Variants in BTN3A3 observed in about 807,000 individuals in gnomAD.
BTN3A3 encodes the protein butyrophilin subfamily 3 member A3.
A neutral mutation model predicts 43.2 loss-of-function variants in BTN3A3; 39 were observed. That is an observed-to-expected ratio of 0.90 (90% CI 0.70 to 1.18). The LOEUF (loss-of-function observed/expected upper bound fraction) is 1.18, where lower values mean the gene tolerates loss of function less well. Ranked by LOEUF, BTN3A3 falls within the 50% of genes most tolerant of loss-of-function variation. The pLI is 0.00. For synonymous variants in BTN3A3, 255 were observed against 272.7 expected (o/e 0.93, Z 0.64); for missense variants, 631 against 722.8 (o/e 0.87, Z 1.46).
At position 26,452,666 on chromosome 6, in the gene BTN3A3, A is replaced by G; in HGVS notation, c.*255A>G. On this transcript the variant is annotated 3_prime_UTR_variant, in exon 11 of 11. Transcript: ENST00000244519. ...CCTCACAACACCCTGTCGGGTAGTC[A>G]TATTTTGCAAGTATGGAAGCTGAGG... 1 of 419,814 alleles carries G rather than the reference A, an allele frequency of 2.4e-6. No homozygotes were observed. Among genetic ancestry groups the G allele is most frequent in the South Asian group, 4.4e-5 (1 of 22,916 alleles). The allele number at this position is 419,814 out of a possible 1,614,324, so 26.0% of individuals were successfully genotyped here. A position where few individuals can be genotyped will look rare whatever the true frequency, so the allele number is the denominator to read the frequency against.
rs753507119 is a variant in BTN3A3 at position 26,450,063 on chromosome 6, C to A, written c.992-44C>A. 3.1e-6 allele frequency: 5 copies of A among 1,603,608 alleles called. No individual in the cohort carries two copies. In the South Asian group the frequency reaches 5.5e-5, roughly 18 times the overall value. On this transcript the variant is annotated intron_variant, in intron 9 of 10. Transcript: ENST00000244519. ...AAGGAGAATGGAGTGGAGAAAAGAA[C>A]AAAAATACTGACCTTTTTCTTATCT...
chr6:26,441,555 AC>A (rs1762637287), intron 1 of BTN3A3, among the ~76,000 whole-genome samples: 2 of 151,588 alleles, frequency 1.3e-5, no homozygotes, highest in Non-Finnish European at 2.9e-5. Context: ...AAAGCATACA[AC>A]TTTTTTTTTT....
intron 1 of BTN3A3, among the ~76,000 whole-genome samples, chr6:26,441,102 TTATAA>T (rs938852161): frequency 6.6e-6 from 1 of 152,172 alleles, no homozygotes; most frequent in South Asian, 2.1e-4. Context: ...ACAGAAATAC[TTATAA>T]TATAGAAAAA....
rs557787431 is a variant in BTN3A3, at chr6:26,446,795, C to T, written c.715+810C>T. ...CCAGGATGGAGTGCAATGGCGCAAT[C>T]TCGGCTCACTGCAACCTCCTCCTCC... On this transcript the variant is annotated intron_variant, in intron 5 of 10. Transcript: ENST00000244519. Among the ~76,000 whole-genome samples, 179 of 152,270 alleles carry T rather than the reference C, an allele frequency of 1.2e-3. 1 individual carries two copies. Among genetic ancestry groups the T allele is most frequent in the Admixed American group, 2.3e-3 (35 of 15,306 alleles).
At chr6:26,449,143 G>A (rs1762861982) in intron 8 of BTN3A3, 1 of 234,698 alleles carries the variant, frequency 4.3e-6, no homozygotes, top group African/African-American at 2.3e-5. Flanking sequence ...AAACAAGAAT[G>A]GAAGATTTAA....
At chr6:26,448,835 G>T in intron 8 of BTN3A3, 81 bp downstream of exon 8, 1 of 1,565,454 alleles carries the variant, frequency 6.4e-7, no homozygotes, top group Non-Finnish European at 8.8e-7. Context: ...CAGCCCATAA[G>T]TCTTTGCCCA....
chr6:26,449,480 C>A, intron 8 of BTN3A3, 182 bp from the exon 9 acceptor site: 1 of 660,116 alleles, frequency 1.5e-6, no homozygotes. Flanking sequence ...AGCATTCAAC[C>A]AATGTTCCCA....
rs759540373 is a variant in BTN3A3 at position 26,451,700 on chromosome 6, G to A, written c.1044G>A (p.Thr348=). The change falls in exon 11 of 11, where the codon ACG becomes ACA. Residue 348 remains threonine, a synonymous_variant. Transcript: ENST00000244519. ...KPADVILDPD[T]ANAILLVSED... ...CGGATGTGATTCTGGATCCAGACAC[G>A]GCAAACGCCATCCTCCTTGTTTCTG... The A allele has an allele frequency of 2.9e-5, 47 of 1,613,278 alleles. No individual in the cohort carries two copies. The East Asian group carries it at 4.9e-4, about 17-fold the overall frequency.
rs373687558 is a variant in BTN3A3, at chr6:26,443,691, G to C, written c.85+32G>C. ...AATGATTCCATGATTCCACATTTATGTTTCTGAAGCAGACAATTATCTCAA... is the reference window on the plus strand; with the variant it reads ...AATGATTCCATGATTCCACATTTATCTTTCTGAAGCAGACAATTATCTCAA... On this transcript the variant is annotated intron_variant, in intron 3 of 10. Transcript: ENST00000244519. The C allele has an allele frequency of 8.7e-4, 1,400 of 1,608,480 alleles. 5 individuals are homozygous for C. The highest frequency in any genetic ancestry group is 4.9e-3 in the African/African-American group (368 of 74,874).
chr6:26,452,951 A>G lies in BTN3A3; in HGVS notation c.*540A>G, dbSNP rs9393721. The G allele has an allele frequency of 0.033, 5,221 of 156,736 alleles. 127 individuals carry two copies. The highest frequency in any genetic ancestry group is 0.093 in the East Asian group (489 of 5,266). The allele number at this position is 156,736 out of a possible 1,614,324, so 9.7% of individuals were successfully genotyped here. ...ACTTAGACCCAGCACTCCTTGGATT[A>G]GCTCTGCAGAGTGTCTTGGTTGAGA... is the stretch of plus-strand genomic sequence containing the variant. On this transcript the variant is annotated 3_prime_UTR_variant, in exon 11 of 11. Coordinates refer to ENST00000244519, the MANE Select transcript of BTN3A3 (RefSeq NM_006994.5).
intron 1 of BTN3A3, among the ~76,000 whole-genome samples, chr6:26,442,754 C>G (rs1762672374): frequency 6.6e-6 from 1 of 152,202 alleles, no homozygotes; most frequent in South Asian, 2.1e-4. Flanking sequence ...GACTAGACAT[C>G]AGAAAGTGGA....
intron 1 of BTN3A3, 166 bp downstream of exon 1, chr6:26,440,814 G>GGCACCCA (rs1762608369): frequency 6.6e-6 from 1 of 152,006 alleles, no homozygotes; most frequent in African/African-American, 2.4e-5. Context: ...GTGTGTGTGT[G>GGCACCCA]TGCGTGTGTG....
At position 26,448,391 on chromosome 6, in the gene BTN3A3, G is replaced by C; in HGVS notation, c.859G>C (p.Glu287Gln). ...TGCTCTGTCCAGGGAGACAGAAAGAGAGCGAGAGATGAAAGAAATGGGATA... is the reference window on the plus strand; with the variant it reads ...TGCTCTGTCCAGGGAGACAGAAAGACAGCGAGAGATGAAAGAAATGGGATA... ...KIALSRETER[E>Q]REMKEMGYAA... The change falls in exon 6 of 11, where the codon GAG (glutamate) becomes CAG (glutamine). Residue 287 changes from glutamate (E) to glutamine (Q), a missense_variant. This residue lies in a region of BTN3A3 where 551 missense variants were observed against 584.0 expected (regional missense o/e 0.94). Transcript: ENST00000244519. The C allele has an allele frequency of 6.2e-7, 1 of 1,613,952 alleles. No homozygotes were observed. Among genetic ancestry groups the C allele is most frequent in the Non-Finnish European group, 8.5e-7 (1 of 1,180,000 alleles).
At chr6:26,446,083 C>T in intron 5 of BTN3A3, 98 bp downstream of exon 5, 2 of 1,555,338 alleles carry the variant, frequency 1.3e-6, no homozygotes, top group East Asian at 2.3e-5. Context: ...CTGCGGTCAA[C>T]CTGGGTCTCT....
intron 6 of BTN3A3, 38 bp from the exon 7 acceptor site, chr6:26,448,579 T>A: frequency 6.2e-7 from 1 of 1,613,666 alleles, no homozygotes; most frequent in Non-Finnish European, 8.5e-7. Context: ...TACCCATAAC[T>A]GTTCTTTTTT....
Position 26,445,949 on chromosome 6 carries a change from C to A in BTN3A3, c.679C>A (p.Leu227Ile), listed in dbSNP as rs781128072. ...GVSCIIRNSLLGLEKTASISI... is the reference protein window; with the variant it reads ...GVSCIIRNSLIGLEKTASISI... Reference sequence around the variant, plus strand: ...ATCCTGCATCATCAGAAATTCCCTCCTCGGCCTGGAAAAGACAGCCAGCAT... The same window carrying A: ...ATCCTGCATCATCAGAAATTCCCTCATCGGCCTGGAAAAGACAGCCAGCAT... Residue 227 changes from leucine to isoleucine, a missense_variant, in exon 5 of 11, where the codon CTC becomes ATC. Coordinates refer to ENST00000244519, the MANE Select transcript of BTN3A3 (RefSeq NM_006994.5). 106 of 1,614,060 alleles carry A rather than the reference C, an allele frequency of 6.6e-5. No homozygotes were observed. Among genetic ancestry groups the A allele is most frequent in the Non-Finnish European group, 8.4e-5 (99 of 1,180,046 alleles).
In BTN3A3 at chr6:26,453,342, C is replaced by G. The variant is rs1762974987; in HGVS notation, c.*931C>G. ...CCTCATTATCATCACTATTATTGCTCACCACTGTATCCCCTCTACTTGGCA... is the reference window on the plus strand; with the variant it reads ...CCTCATTATCATCACTATTATTGCTGACCACTGTATCCCCTCTACTTGGCA... On this transcript the variant is annotated 3_prime_UTR_variant, in exon 11 of 11. Coordinates refer to ENST00000244519, the MANE Select transcript of BTN3A3 (RefSeq NM_006994.5). 6.6e-6 allele frequency: 1 copy of G among 152,132 alleles called. No individual in the cohort carries two copies. Among genetic ancestry groups the G allele is most frequent in the African/African-American group, 2.4e-5 (1 of 41,426 alleles). The allele number at this position is 152,132 out of a possible 1,614,324, so 9.4% of individuals were successfully genotyped here. A position where few individuals can be genotyped will look rare whatever the true frequency, so the allele number is the denominator to read the frequency against.
chr6:26,447,412 G>C (rs1259354541), intron 5 of BTN3A3, among the ~76,000 whole-genome samples: 1 of 152,052 alleles, frequency 6.6e-6, no homozygotes, highest in Non-Finnish European at 1.5e-5. Context: ...ACCTAGGCTG[G>C]AATGCTGTGG....
rs114160412 is a variant in BTN3A3, at chr6:26,446,076, C to T, written c.715+91C>T. The T allele has an allele frequency of 1.8e-3, 2,859 of 1,564,006 alleles. 13 individuals carry two copies. Among genetic ancestry groups the T allele is most frequent in the African/African-American group, 0.015 (1,143 of 74,088 alleles). On this transcript the variant is annotated intron_variant, in intron 5 of 10. Transcript: ENST00000244519. The stretch of plus-strand genomic sequence containing the variant: ...TGAGTCTCTACTGTGTGAGTCTCTG[C>T]GGTCAACCTGGGTCTCTACAATGCA...
Sources: gnomAD v4.1 joint callset for allele counts (sites outside exome capture counted in the v4.1 genomes callset) on GRCh38, gnomAD v4.1.1 for gene constraint, gnomAD v4.1.1 regional missense constraint, MANE v1.5 for transcripts, NCBI Gene and HGNC (gene_info 2026-07-23, HGNC 2026-07-21) for gene names.